Variants in NEK1 observed in about 807,000 individuals in gnomAD.
The protein encoded by NEK1 is NIMA related kinase 1.
In NEK1, 137 loss-of-function variants were observed where a neutral mutation model predicts 182.1. The ratio of observed to expected loss-of-function variants is 0.75; its 90% CI spans 0.65 to 0.87. The LOEUF (loss-of-function observed/expected upper bound fraction) is 0.87, where lower values mean the gene tolerates loss of function less well. NEK1 is among the 40% of genes least tolerant of loss of function. NEK1 has a pLI of 0.00. For missense variants in NEK1, 1,391 were observed against 1,494.4 expected, an observed-to-expected ratio of 0.93 and a Z score of 1.14; for synonymous variants, 513 against 492.2, an observed-to-expected ratio of 1.04 and a Z score of -0.56.
At chr4:169,578,236 A>G (rs990261912) in intron 11 of NEK1, among the ~76,000 whole-genome samples, 13 of 152,180 alleles carry the variant, frequency 8.5e-5, no homozygotes, top group African/African-American at 2.7e-4. Flanking sequence ...TCTGGAGGAT[A>G]TTAAAAGAAG....
chr4:169,490,579 G>C (rs1749880589), intron 23 of NEK1, among the ~76,000 whole-genome samples: 1 of 151,806 alleles, frequency 6.6e-6, no homozygotes, highest in Non-Finnish European at 1.5e-5. Context: ...AATGAAATCA[G>C]CAAAATAATC....
chr4:169,407,640 TGATA>T (rs1165403303), intron 31 of NEK1, among the ~76,000 whole-genome samples: 4 of 152,156 alleles, frequency 2.6e-5, no homozygotes, highest in African/African-American at 4.8e-5. Context: ...AATTAGAATG[TGATA>T]GATAGACAAG....
intron 23 of NEK1, among the ~76,000 whole-genome samples, chr4:169,496,240 T>G (rs1258686922): frequency 1.3e-5 from 2 of 151,992 alleles, no homozygotes; most frequent in Non-Finnish European, 2.9e-5. Context: ...TTGTGATTTT[T>G]GCACATTGAT....
intron 16 of NEK1, among the ~76,000 whole-genome samples, chr4:169,556,938 A>C (rs924600513): frequency 6.6e-6 from 1 of 152,142 alleles, no homozygotes; most frequent in African/African-American, 2.4e-5. Context: ...AATACAAGGA[A>C]GGCAAAGTAT....
Position 169,561,673 on chromosome 4 carries a change from G to T in NEK1, c.1191+14C>A, listed in dbSNP as rs1762923779. Reference sequence around the variant, plus strand: ...CCTTAAGAAAAAAGTATATTTAATAGATTATCCTCTTACCCTTTCCTTTTC... The same window carrying T: ...CCTTAAGAAAAAAGTATATTTAATATATTATCCTCTTACCCTTTCCTTTTC... On this transcript the variant is annotated intron_variant, in intron 15 of 35. Transcript: ENST00000507142. The T allele has an allele frequency of 5.1e-6, 8 of 1,566,210 alleles. No individual in the cohort carries two copies. In the East Asian group the frequency reaches 1.9e-4, roughly 37 times the overall value.
chr4:169,488,056 G>A (rs1264156810), intron 23 of NEK1, among the ~76,000 whole-genome samples: 3 of 151,838 alleles, frequency 2.0e-5, no homozygotes. Context: ...TAAGTTCCTT[G>A]TAGACTCTGG....
At chr4:169,604,026 T>C (rs547054886) in intron 2 of NEK1, among the ~76,000 whole-genome samples, 19 of 152,296 alleles carry the variant, frequency 1.2e-4, no homozygotes, top group African/African-American at 4.6e-4. Flanking sequence ...TTCTATTTTT[T>C]CTCTTTTGAA....
chr4:169,487,357 A>T (rs1192265493), intron 23 of NEK1, among the ~76,000 whole-genome samples: 1 of 152,126 alleles, frequency 6.6e-6, no homozygotes, highest in Non-Finnish European at 1.5e-5. Flanking sequence ...TGTTCCCACC[A>T]ATGTGTTCAT....
rs577242395 is a variant in NEK1, at chr4:169,465,943, G to T, written c.2435-2548C>A. 4.0e-5 allele frequency among the ~76,000 whole-genome samples: 6 copies of T among 151,868 alleles called. No homozygotes were observed. The East Asian group carries it at 1.2e-3, about 29-fold the overall frequency. ...CAAATATTAAAATTCACAACATTTG[G>T]ACACCCCCAAAAAATTATCAAGCAT... On this transcript the variant is annotated intron_variant, in intron 26 of 35. Coordinates refer to ENST00000507142, the MANE Select transcript of NEK1 (RefSeq NM_001199397.3).
intron 5 of NEK1, among the ~76,000 whole-genome samples, chr4:169,596,020 C>A (rs558953070): frequency 2.0e-5 from 3 of 151,646 alleles, no homozygotes; most frequent in Non-Finnish European, 4.4e-5. Context: ...AGGGTCCCTG[C>A]GTCGTAAATG....
chr4:169,505,359 G>A (rs1032081195), intron 23 of NEK1, among the ~76,000 whole-genome samples: 2 of 151,484 alleles, frequency 1.3e-5, no homozygotes, highest in Non-Finnish European at 2.9e-5. Flanking sequence ...CTGAAGATGA[G>A]CATGAAGACC....
chr4:169,570,070 C>G (rs1764454043), intron 12 of NEK1, among the ~76,000 whole-genome samples: 1 of 150,050 alleles, frequency 6.7e-6, no homozygotes, highest in Non-Finnish European at 1.5e-5. Flanking sequence ...CGGCCGCCAT[C>G]CCATCTAGGA....
At chr4:169,473,115 A>T (rs1194022311) in intron 26 of NEK1, among the ~76,000 whole-genome samples, 1 of 151,654 alleles carries the variant, frequency 6.6e-6, no homozygotes, top group Non-Finnish European at 1.5e-5. Flanking sequence ...AAAAAAAAAA[A>T]ATTAGCCGGG....
Position 169,490,148 on chromosome 4 carries a change from G to A in NEK1, c.2008-10614C>T, listed in dbSNP as rs186652905. Reference sequence around the variant, plus strand: ...ACCACTGCTGTCACACACTCCTACAGTCATGGCTAAAGTACCTGCAGCCAT... The same window carrying A: ...ACCACTGCTGTCACACACTCCTACAATCATGGCTAAAGTACCTGCAGCCAT... On this transcript the variant is annotated intron_variant, in intron 23 of 35. Transcript: ENST00000507142. Among the ~76,000 whole-genome samples the A allele has an allele frequency of 2.3e-3, 346 of 152,222 alleles. 1 individual carries two copies. Among genetic ancestry groups the A allele is most frequent in the African/African-American group, 7.3e-3 (303 of 41,538 alleles).
intron 18 of NEK1, among the ~76,000 whole-genome samples, chr4:169,552,968 T>C (rs997028784): frequency 5.9e-5 from 9 of 152,170 alleles, no homozygotes; most frequent in African/African-American, 9.7e-5. Flanking sequence ...TATTGGAAGA[T>C]TGAATATCGT....
intron 19 of NEK1, among the ~76,000 whole-genome samples, chr4:169,526,244 T>G (rs1756877405): frequency 6.6e-6 from 1 of 152,184 alleles, no homozygotes; most frequent in East Asian, 1.9e-4. Context: ...AGTCCAGTAT[T>G]TTGGTAGACT....
At chr4:169,476,644 T>C (rs1746997939) in intron 26 of NEK1, among the ~76,000 whole-genome samples, 2 of 152,142 alleles carry the variant, frequency 1.3e-5, no homozygotes, top group African/African-American at 4.8e-5. Context: ...TGTTTCTGTT[T>C]TGTTCCTATA....
rs1176215520 is a variant in NEK1, at chr4:169,393,666, T to C, written c.*844A>G. 1 of 152,108 alleles carries C rather than the reference T, an allele frequency of 6.6e-6. No individual in the cohort carries two copies. The highest frequency in any genetic ancestry group is 6.6e-5 in the Admixed American group (1 of 15,258). The allele number at this position is 152,108 out of a possible 1,614,324, so 9.4% of individuals were successfully genotyped here. A position where few individuals can be genotyped will look rare whatever the true frequency, so the allele number is the denominator to read the frequency against. ...TACCAAAACTGTCACAGTGTCAAAA[T>C]AAAAATAATTATTTCCTCCTTTTTA... On this transcript the variant is annotated 3_prime_UTR_variant, in exon 36 of 36. Coordinates refer to ENST00000507142, the MANE Select transcript of NEK1 (RefSeq NM_001199397.3).
At chr4:169,449,466 A>C (rs1741282769) in intron 27 of NEK1, among the ~76,000 whole-genome samples, 1 of 152,172 alleles carries the variant, frequency 6.6e-6, no homozygotes, top group Non-Finnish European at 1.5e-5. Context: ...CAGAGGAAGG[A>C]TCAGGCAGCA....
Sources: gnomAD v4.1 joint callset for allele counts (sites outside exome capture counted in the v4.1 genomes callset) on GRCh38, gnomAD v4.1.1 for gene constraint, MANE v1.5 for transcripts, NCBI Gene and HGNC (gene_info 2026-07-23, HGNC 2026-07-21) for gene names.